Variants in CIITA observed in about 807,000 individuals in gnomAD.
CIITA encodes class II major histocompatibility complex transactivator, also known as MHC class II transactivator.
CIITA carries 72 observed loss-of-function variants against 115.1 expected under a neutral mutation model. The observed-to-expected ratio is 0.63, with a 90% confidence interval of 0.52 to 0.76. The LOEUF (loss-of-function observed/expected upper bound fraction) is 0.76, where lower values mean the gene tolerates loss of function less well. Ranked by LOEUF, CIITA falls within the 30% of genes least tolerant of loss-of-function variation. The pLI, the probability that CIITA is intolerant of heterozygous loss-of-function variation, is 0.00. For synonymous variants in CIITA, 763 were observed against 635.6 expected (o/e 1.20, Z -3.02); for missense variants, 1,617 against 1,463.8 (o/e 1.10, Z -1.71).
chr16:10,902,746 G>T lies in CIITA; in HGVS notation c.717G>T (p.Gly239=). Residue 239 remains glycine (G), a synonymous_variant, in exon 8 of 20, where the codon GGG becomes GGT. Coordinates refer to ENST00000324288, the MANE Select transcript of CIITA (RefSeq NM_000246.4). ...FVPTISTLPH[G]LWQISEAGTG... ...CCACCATCTCCACTCTGCCCCATGG[G>T]CTCTGGCAAATCTCTGAGGCTGGAA... 2 of 1,614,208 alleles carry T rather than the reference G, an allele frequency of 1.2e-6. No homozygotes were observed. The highest frequency in any genetic ancestry group is 1.7e-6 in the Non-Finnish European group (2 of 1,180,036).
At chr16:10,903,459 A>G (rs1214942804) in intron 8 of CIITA, among the ~76,000 whole-genome samples, 1 of 152,220 alleles carries the variant, frequency 6.6e-6, no homozygotes, top group African/African-American at 2.4e-5. Context: ...CTGACCACAC[A>G]GCAGGAAGAG....
chr16:10,868,429 G>T (rs2143177502), intron 1 of CIITA, among the ~76,000 whole-genome samples: 1 of 152,310 alleles, frequency 6.6e-6, no homozygotes, highest in East Asian at 1.9e-4. Context: ...TTCCTGCCAA[G>T]ACAACATTTC....
rs1336159982 is a variant in CIITA at position 10,942,979 on chromosome 16, C to A, written n.2105C>A. ...CCTGCATCCTAGAGTTAAGGAACAC[C>A]TGAATAAAGAGATTCCGAGGTAGTT... On this transcript the variant is annotated non_coding_transcript_exon_variant, in exon 2 of 2. Transcript: ENST00000573379. This position sits in a 1 kb window ranked among gnomAD's most constrained non-coding sequence, Gnocchi z 5.0. 6.6e-6 allele frequency: 1 copy of A among 152,244 alleles called. No homozygotes were observed. Among genetic ancestry groups the A allele is most frequent in the Non-Finnish European group, 1.5e-5 (1 of 68,050 alleles). 9.4% of individuals were successfully genotyped at this position (152,244 alleles called of 1,614,324 possible).
chr16:10,935,324 C>G lies in CIITA; in HGVS notation c.*11469C>G, dbSNP rs1180762074. 1 of 152,226 alleles carries G rather than the reference C, an allele frequency of 6.6e-6. No individual in the cohort carries two copies. Among genetic ancestry groups the G allele is most frequent in the Non-Finnish European group, 1.5e-5 (1 of 68,034 alleles). 9.4% of individuals were successfully genotyped at this position (152,226 alleles called of 1,614,324 possible). A position where few individuals can be genotyped will look rare whatever the true frequency, so the allele number is the denominator to read the frequency against. ...TTATGATTATTTAGAGGAGAAAGTTCAGTTTGGTGCTGGTATATCTTATGT... is the reference window on the plus strand; with the variant it reads ...TTATGATTATTTAGAGGAGAAAGTTGAGTTTGGTGCTGGTATATCTTATGT... On this transcript the variant is annotated 3_prime_UTR_variant, in exon 20 of 20. Transcript: ENST00000324288.
Position 10,942,040 on chromosome 16 carries a change from C to G in CIITA, n.1166C>G. 22 of 1,360,962 alleles carry G rather than the reference C, an allele frequency of 1.6e-5. No homozygotes were observed. The highest frequency in any genetic ancestry group is 2.1e-5 in the Non-Finnish European group (22 of 1,059,682). The allele number at this position is 1,360,962 out of a possible 1,614,324, so 84.3% of individuals were successfully genotyped here. On this transcript the variant is annotated non_coding_transcript_exon_variant, in exon 2 of 2. Coordinates refer to the CIITA transcript ENST00000573379. The surrounding 1 kb of genome is among the most constrained non-coding windows in gnomAD (Gnocchi z 5.0). ...GGCAAGGGCGGCGGCCCGGCGATCC[C>G]GGCGAACTCAGCCGCTGCGGCGCCC...
intron 1 of CIITA, among the ~76,000 whole-genome samples, chr16:10,894,938 C>T (rs1187846429): frequency 1.3e-5 from 2 of 152,174 alleles, no homozygotes; most frequent in African/African-American, 2.4e-5. Context: ...AGCTCATGTG[C>T]CTGGCGTATA....
Position 10,941,550 on chromosome 16 carries a change from G to C in CIITA, n.676G>C. 5.5e-6 allele frequency: 8 copies of C among 1,441,716 alleles called. No homozygotes were observed. Among genetic ancestry groups the C allele is most frequent in the Non-Finnish European group, 6.4e-6 (7 of 1,095,486 alleles). The allele number at this position is 1,441,716 out of a possible 1,614,324, so 89.3% of individuals were successfully genotyped here. On this transcript the variant is annotated non_coding_transcript_exon_variant, in exon 2 of 2. Coordinates refer to the CIITA transcript ENST00000573379. This position sits in a 1 kb window ranked among gnomAD's most constrained non-coding sequence, Gnocchi z 6.4. ...TAGCGCCCCAACCCGCCCTCATCCT[G>C]TTCAGAGAGGGCACTTACAGGCCTC...
intron 13 of CIITA, chr16:10,915,063 T>C (rs2039856464): frequency 4.4e-6 from 2 of 456,058 alleles, no homozygotes; most frequent in Non-Finnish European, 8.8e-6. Flanking sequence ...TTGTTTTTTT[T>C]CTTTTTTGAG....
chr16:10,922,478 T>C lies in CIITA; in HGVS notation c.3305T>C (p.Val1102Ala). The change falls in exon 18 of 20, where the codon GTG (valine) becomes GCG (alanine). Residue 1102 changes from valine to alanine, a missense_variant. Physicochemically the swap from Val to Ala is moderately conservative, Grantham distance 64. Coordinates refer to ENST00000324288, the MANE Select transcript of CIITA (RefSeq NM_000246.4). ...LAASLRRCPH[V>A]ETLAMWTPTI... Reference sequence around the variant, plus strand: ...GCCAGCCTTCGGAGGTGTCCTCATGTGGAGACGCTGGCGTAAGTCCAGGCA... The same window carrying C: ...GCCAGCCTTCGGAGGTGTCCTCATGCGGAGACGCTGGCGTAAGTCCAGGCA... 2 of 1,614,028 alleles carry C rather than the reference T, an allele frequency of 1.2e-6. No homozygotes were observed. The highest frequency in any genetic ancestry group is 1.7e-6 in the Non-Finnish European group (2 of 1,179,898).
chr16:10,917,693 T>C (rs2040032721), intron 15 of CIITA, among the ~76,000 whole-genome samples: 1 of 152,116 alleles, frequency 6.6e-6, no homozygotes, highest in African/African-American at 2.4e-5. Context: ...TTGGCCAGGC[T>C]GGTCTTGAAC....
At chr16:10,910,120 T>G in intron 12 of CIITA, 68 bp from the exon 13 acceptor site, 4 of 1,380,028 alleles carry the variant, frequency 2.9e-6, no homozygotes, top group Non-Finnish European at 4.1e-6. Flanking sequence ...GCAGCCATCA[T>G]GGGACCCATG....
In CIITA at chr16:10,906,922, T is replaced by C. The variant is rs1245116453; in HGVS notation, c.1430T>C (p.Leu477Pro). The part of the protein sequence containing the change: ...DLLFSLGPQP[L>P]VAADEVFSHI... ...CTCTTCTCCCTGGGCCCACAGCCAC[T>C]CGTGGCGGCCGATGAGGTTTTCAGC... is the stretch of plus-strand genomic sequence containing the variant. Residue 477 changes from leucine to proline, a missense_variant, in exon 11 of 20, where the codon CTC becomes CCC. Leu to Pro is a moderately conservative substitution (Grantham distance 98, BLOSUM62 -3). Coordinates refer to ENST00000324288, the MANE Select transcript of CIITA (RefSeq NM_000246.4). 1 of 1,613,412 alleles carries C rather than the reference T, an allele frequency of 6.2e-7. No individual in the cohort carries two copies. The highest frequency in any genetic ancestry group is 8.5e-7 in the Non-Finnish European group (1 of 1,180,022).
rs530049319 is a variant in CIITA at position 10,889,262 on chromosome 16, C to G, written c.53-6020C>G. Reference sequence around the variant, plus strand: ...AATGAAGGGGCCTTTGAAGCACTTCCTAAGCATCTATAGACATAGGAAACT... The same window carrying G: ...AATGAAGGGGCCTTTGAAGCACTTCGTAAGCATCTATAGACATAGGAAACT... On this transcript the variant is annotated intron_variant, in intron 1 of 19. Transcript: ENST00000324288. Among the ~76,000 whole-genome samples, 102 of 152,246 alleles carry G rather than the reference C, an allele frequency of 6.7e-4. 1 individual carries two copies. Among genetic ancestry groups the G allele is most frequent in the African/African-American group, 2.1e-3 (87 of 41,546 alleles).
chr16:10,903,048 C>G (rs1465306665), intron 8 of CIITA, among the ~76,000 whole-genome samples: 1 of 152,228 alleles, frequency 6.6e-6, no homozygotes, highest in Non-Finnish European at 1.5e-5. Context: ...CTTTCCCCTT[C>G]TGACCCTTAG....
chr16:10,912,768 C>T (rs555575409), intron 13 of CIITA, among the ~76,000 whole-genome samples: 134 of 152,354 alleles, frequency 8.8e-4, no homozygotes, highest in African/African-American at 2.3e-3. Flanking sequence ...AAGATCGGAA[C>T]TGCGCTCTGG....
chr16:10,919,503 CTTAT>C (rs55706326), intron 16 of CIITA, among the ~76,000 whole-genome samples: 12 of 149,314 alleles, frequency 8.0e-5, no homozygotes, highest in Middle Eastern at 3.5e-3. Context: ...GCCCGGCCAA[CTTAT>C]TTATTTATTT....
At chr16:10,908,404 T>C (rs2039325372) in intron 11 of CIITA, 3 of 627,554 alleles carry the variant, frequency 4.8e-6, no homozygotes, top group Admixed American at 2.3e-5. Flanking sequence ...CACTGGGGTA[T>C]GTCTAGAATC....
rs967272962 is a variant in CIITA, at chr16:10,923,012, G to A, written c.3318-216G>A. The stretch of plus-strand genomic sequence containing the variant: ...CAGAGCAGTTAACTAACCTTTCTGG[G>A]GTCACACAGCAAGTCAGCTGCAGAA... On this transcript the variant is annotated intron_variant, in intron 18 of 19. Coordinates refer to ENST00000324288, the MANE Select transcript of CIITA (RefSeq NM_000246.4). This position sits in a 1 kb window ranked among gnomAD's most constrained non-coding sequence, Gnocchi z 5.2. The A allele has an allele frequency of 5.0e-6, 3 of 594,344 alleles. No homozygotes were observed. The highest frequency in any genetic ancestry group is 3.7e-5 in the African/African-American group (2 of 53,732). 36.8% of individuals were successfully genotyped at this position (594,344 alleles called of 1,614,324 possible).
At chr16:10,917,140 A>AAC (rs2039996450) in intron 15 of CIITA, 1 of 192,950 alleles carries the variant, frequency 5.2e-6, no homozygotes, top group African/African-American at 2.3e-5. Context: ...GGGCTCTGGG[A>AAC]AGTTGGAGAT....
Sources: allele counts gnomAD v4.1 joint callset (sites outside exome capture counted in the v4.1 genomes callset), GRCh38; gene constraint gnomAD v4.1.1; non-coding constraint Gnocchi (gnomAD v3.1); transcripts MANE v1.5; gene names NCBI Gene and HGNC (gene_info 2026-07-23, HGNC 2026-07-21).